The following FRYL variants were observed in gnomAD, a reference collection of about 807,000 sequenced individuals.
The protein encoded by FRYL is protein furry homolog-like.
Under a neutral mutation model 351.2 loss-of-function variants are expected in FRYL, and 150 were observed. The observed-to-expected ratio is 0.43, with a 90% CI of 0.37 to 0.49. FRYL has a LOEUF of 0.49. Ranked by LOEUF, FRYL falls within the 20% of genes least tolerant of loss-of-function variation. FRYL has a pLI of 0.00. For missense variants in FRYL, 3,036 were observed against 3,619.3 expected, an observed-to-expected ratio of 0.84 and a Z score of 4.13; for synonymous variants, 1,153 against 1,257.1, an observed-to-expected ratio of 0.92 and a Z score of 1.75.
At chr4:48,608,838 G>A in intron 9 of FRYL, 149 bp downstream of exon 9, 1 of 616,696 alleles carries the variant, frequency 1.6e-6, no homozygotes, top group Non-Finnish European at 2.9e-6. Flanking sequence ...GAGCTTCTGA[G>A]AAACAGAGCA....
At chr4:48,737,259 G>GA (rs368219531) in intron 1 of FRYL, among the ~76,000 whole-genome samples, 46,442 of 97,610 alleles carry the variant, frequency 0.48, 9,538 homozygotes, top group Middle Eastern at 0.6. Flanking sequence ...CTCCATCACA[G>GA]AAAAAAAAAA....
rs1432678845 is a variant in FRYL at position 48,512,749 on chromosome 4, T to A, written c.7938-61A>T. On this transcript the variant is annotated intron_variant, in intron 56 of 63. Transcript: ENST00000358350. ...TCTCAGAAAAAAAGAATAGGCTCAA[T>A]CACGTAAGACAGCTTAAGTCATTTG... The A allele has an allele frequency of 9.6e-6, 12 of 1,248,526 alleles. No individual in the cohort carries two copies. The Admixed American group carries it at 2.1e-4, about 22-fold the overall frequency. The allele number at this position is 1,248,526 out of a possible 1,614,324, so 77.3% of individuals were successfully genotyped here. A position where few individuals can be genotyped will look rare whatever the true frequency, so the allele number is the denominator to read the frequency against.
At chr4:48,500,559 T>G (rs1450895051) in intron 62 of FRYL, among the ~76,000 whole-genome samples, 1 of 152,198 alleles carries the variant, frequency 6.6e-6, no homozygotes, top group Non-Finnish European at 1.5e-5. Flanking sequence ...AGTCTTTAGA[T>G]TTTAAAAGAT....
At chr4:48,610,828 A>G (rs919914038) in intron 7 of FRYL, among the ~76,000 whole-genome samples, 16 of 148,786 alleles carry the variant, frequency 1.1e-4, no homozygotes, top group Non-Finnish European at 1.8e-4. Context: ...TATACACTCA[A>G]TATGTATACA....
At chr4:48,674,179 A>C (rs1035334916) in intron 3 of FRYL, among the ~76,000 whole-genome samples, 8 of 152,198 alleles carry the variant, frequency 5.3e-5, no homozygotes, top group African/African-American at 1.9e-4. Context: ...CCAATCCGAG[A>C]CATAGAAGGA....
chr4:48,656,465 A>G (rs1223138512), intron 3 of FRYL, among the ~76,000 whole-genome samples: 2 of 133,606 alleles, frequency 1.5e-5, no homozygotes, highest in Non-Finnish European at 3.0e-5. Context: ...AATCATGTAC[A>G]TATAATGTAT....
chr4:48,667,819 T>C (rs1355339233), intron 3 of FRYL, among the ~76,000 whole-genome samples: 37 of 152,172 alleles, frequency 2.4e-4, no homozygotes, highest in East Asian at 5.8e-4. Context: ...GGCTAATTTT[T>C]ATATTTTTAG....
In FRYL at chr4:48,707,355, A is replaced by C. The variant is rs561476007; in HGVS notation, c.-204+3164T>G. ...TATCATTACTTTTTTAAAAGGTCTTAAGGATACATCCTGAAATACTTATAA... is the reference window on the plus strand; with the variant it reads ...TATCATTACTTTTTTAAAAGGTCTTCAGGATACATCCTGAAATACTTATAA... On this transcript the variant is annotated intron_variant, in intron 2 of 63. Transcript: ENST00000358350. 3.9e-5 allele frequency among the ~76,000 whole-genome samples: 6 copies of C among 152,278 alleles called. No homozygotes were observed. In the East Asian group the frequency reaches 1.2e-3, roughly 29 times the overall value.
chr4:48,563,329 A>AGATAAG (rs1735949477), intron 31 of FRYL, among the ~76,000 whole-genome samples: 2 of 152,244 alleles, frequency 1.3e-5, no homozygotes, highest in Admixed American at 1.3e-4. Context: ...CCACCACCAC[A>AGATAAG]GATAAGCAAA....
intron 28 of FRYL, among the ~76,000 whole-genome samples, chr4:48,566,096 T>C (rs897787089): frequency 4.6e-5 from 7 of 152,250 alleles, no homozygotes; most frequent in Admixed American, 1.3e-4. Flanking sequence ...TTGGACGAGA[T>C]ACGTGTTTTC....
At chr4:48,588,491 T>A (rs1423960944) in intron 18 of FRYL, among the ~76,000 whole-genome samples, 1 of 152,204 alleles carries the variant, frequency 6.6e-6, no homozygotes, top group Admixed American at 6.5e-5. Flanking sequence ...AGATGCAGGC[T>A]ACTTGACTGG....
chr4:48,685,482 A>T (rs1404085337), intron 2 of FRYL, among the ~76,000 whole-genome samples: 1 of 152,218 alleles, frequency 6.6e-6, no homozygotes, highest in African/African-American at 2.4e-5. Context: ...TCAATAATAC[A>T]TTATTTTATT....
chr4:48,642,478 A>T (rs1029926776), intron 3 of FRYL, among the ~76,000 whole-genome samples: 1 of 152,022 alleles, frequency 6.6e-6, no homozygotes, highest in Non-Finnish European at 1.5e-5. Flanking sequence ...CTCACTATCC[A>T]GTTCAATGTT....
intron 1 of FRYL, among the ~76,000 whole-genome samples, chr4:48,711,516 G>A (rs1317021739): frequency 3.8e-5 from 5 of 132,946 alleles, no homozygotes; most frequent in Non-Finnish European, 8.2e-5. Flanking sequence ...TAGGGGAGGG[G>A]CGCCCACCAT....
At chr4:48,720,415 T>C (rs1319209049) in intron 1 of FRYL, among the ~76,000 whole-genome samples, 2 of 152,072 alleles carry the variant, frequency 1.3e-5, no homozygotes, top group East Asian at 1.9e-4. Context: ...GAGAACTGCT[T>C]GAACCCGGGA....
chr4:48,531,419 C>T, intron 49 of FRYL, 66 bp from the exon 50 acceptor site: 1 of 906,692 alleles, frequency 1.1e-6, no homozygotes, highest in Non-Finnish European at 1.8e-6. Context: ...CAACAATTTA[C>T]TGTACACCAT....
intron 1 of FRYL, among the ~76,000 whole-genome samples, chr4:48,724,159 A>T (rs992618857): frequency 2.0e-5 from 3 of 152,048 alleles, no homozygotes; most frequent in African/African-American, 7.2e-5. Flanking sequence ...ATTAAAATTT[A>T]AAAATAAATG....
intron 4 of FRYL, among the ~76,000 whole-genome samples, chr4:48,632,108 A>ATATG (rs1553957663): frequency 0.025 from 1,614 of 64,194 alleles, 54 homozygotes; most frequent in Non-Finnish European, 0.04. Context: ...ATATATATAT[A>ATATG]TATATATATA....
chr4:48,553,680 A>G (rs1163944736), intron 35 of FRYL, among the ~76,000 whole-genome samples: 1 of 152,066 alleles, frequency 6.6e-6, no homozygotes, highest in Non-Finnish European at 1.5e-5. Flanking sequence ...AAAACAAAAA[A>G]ATACTTTTCT....
Sources: gnomAD v4.1 joint callset for allele counts (sites outside exome capture counted in the v4.1 genomes callset) on GRCh38, gnomAD v4.1.1 for gene constraint, MANE v1.5 for transcripts, NCBI Gene and HGNC (gene_info 2026-07-23, HGNC 2026-07-21) for gene names.